The following NDUFAF2 variants were observed in gnomAD, a reference collection of about 807,000 sequenced individuals.
The protein encoded by NDUFAF2 is NADH dehydrogenase [ubiquinone] 1 alpha subcomplex assembly factor 2.
NDUFAF2 carries 13 observed loss-of-function variants against 22.8 expected under a neutral mutation model. That is an observed-to-expected ratio of 0.57 (90% CI 0.37 to 0.91). The LOEUF (loss-of-function observed/expected upper bound fraction) is 0.91. NDUFAF2 is among the 40% of genes least tolerant of loss of function. The probability of loss-of-function intolerance (pLI) is 0.01; values close to 1 mark genes in which losing one functional copy is unlikely to be tolerated. For synonymous variants in NDUFAF2, 53 were observed against 64.2 expected (o/e 0.83, Z 0.84); for missense variants, 162 against 195.2 (o/e 0.83, Z 1.01).
At chr5:61,007,991 T>G (rs1751391751) in intron 1 of NDUFAF2, among the ~76,000 whole-genome samples, 1 of 152,126 alleles carries the variant, frequency 6.6e-6, no homozygotes, top group Non-Finnish European at 1.5e-5. Flanking sequence ...GATGATTTCA[T>G]GTCCTTTGTA....
At chr5:61,130,326 G>A (rs1313903147) in intron 3 of NDUFAF2, among the ~76,000 whole-genome samples, 1 of 152,080 alleles carries the variant, frequency 6.6e-6, no homozygotes, top group African/African-American at 2.4e-5. Flanking sequence ...GGCATCACAA[G>A]ACTCTTCCTA....
chr5:60,952,605 T>C (rs1435494034), intron 1 of NDUFAF2, among the ~76,000 whole-genome samples: 1 of 152,102 alleles, frequency 6.6e-6, no homozygotes, highest in African/African-American at 2.4e-5. Flanking sequence ...GCCTAGAGTA[T>C]GGTGCAATTT....
intron 1 of NDUFAF2, among the ~76,000 whole-genome samples, chr5:60,991,245 C>T (rs966179626): frequency 1.3e-5 from 2 of 151,966 alleles, no homozygotes; most frequent in Admixed American, 6.6e-5. Flanking sequence ...ATTATGTATA[C>T]AGGCATGCAA....
At chr5:61,151,912 A>G (rs1056823278) in intron 3 of NDUFAF2, among the ~76,000 whole-genome samples, 1 of 152,236 alleles carries the variant, frequency 6.6e-6, no homozygotes, top group African/African-American at 2.4e-5. Context: ...TATCTTTTCA[A>G]ATATTAATAT....
intron 1 of NDUFAF2, among the ~76,000 whole-genome samples, chr5:60,954,195 T>C (rs1200268325): frequency 1.3e-5 from 2 of 152,194 alleles, no homozygotes; most frequent in Non-Finnish European, 2.9e-5. Flanking sequence ...GCCAAAGACC[T>C]ATGATGTGGC....
chr5:60,967,181 G>C (rs972053430), intron 1 of NDUFAF2, among the ~76,000 whole-genome samples: 2 of 151,768 alleles, frequency 1.3e-5, no homozygotes, highest in Non-Finnish European at 2.9e-5. Flanking sequence ...CTGATTTTTT[G>C]TGTCTTGATT....
At chr5:61,122,638 G>C (rs1579842009) in intron 3 of NDUFAF2, among the ~76,000 whole-genome samples, 1 of 152,112 alleles carries the variant, frequency 6.6e-6, no homozygotes, top group African/African-American at 2.4e-5. Flanking sequence ...AGCCACCTCT[G>C]TTTTCTCATC....
intron 2 of NDUFAF2, among the ~76,000 whole-genome samples, chr5:61,093,809 AT>A (rs1192847551): frequency 1.3e-5 from 2 of 152,016 alleles, no homozygotes; most frequent in East Asian, 3.9e-4. Flanking sequence ...CTCTTTTTTA[AT>A]TTTTTGGAAT....
intron 1 of NDUFAF2, among the ~76,000 whole-genome samples, chr5:61,020,567 G>GTGTC (rs1283538144): frequency 1.3e-5 from 2 of 151,808 alleles, no homozygotes; most frequent in Admixed American, 1.3e-4. Flanking sequence ...GTGTGTGTGT[G>GTGTC]TGTGTGTACA....
At chr5:61,152,263 G>A (rs181768915) in intron 3 of NDUFAF2, among the ~76,000 whole-genome samples, 18 of 151,662 alleles carry the variant, frequency 1.2e-4, no homozygotes, top group African/African-American at 3.9e-4. Flanking sequence ...AGAGGGTGAC[G>A]TTAGCATTCA....
intron 2 of NDUFAF2, among the ~76,000 whole-genome samples, chr5:61,096,977 A>G (rs1752652268): frequency 6.6e-6 from 1 of 152,246 alleles, no homozygotes; most frequent in Admixed American, 6.5e-5. Flanking sequence ...AAAAGAAAGA[A>G]GGAAACAGAA....
chr5:60,985,882 T>C (rs1202839360), intron 1 of NDUFAF2, among the ~76,000 whole-genome samples: 1 of 152,052 alleles, frequency 6.6e-6, no homozygotes, highest in African/African-American at 2.4e-5. Flanking sequence ...AAGATGAGAT[T>C]TGGGTGGGGA....
chr5:61,077,703 T>C (rs899330483), intron 2 of NDUFAF2, among the ~76,000 whole-genome samples: 8 of 152,160 alleles, frequency 5.3e-5, no homozygotes, highest in African/African-American at 1.9e-4. Context: ...AGGAAGTCCT[T>C]GAGAAGACAA....
chr5:61,039,490 A>G (rs1035144932), intron 1 of NDUFAF2, among the ~76,000 whole-genome samples: 2 of 152,206 alleles, frequency 1.3e-5, no homozygotes, highest in South Asian at 2.1e-4. Flanking sequence ...ATTAAGCCCA[A>G]ATTTCCAACT....
intron 3 of NDUFAF2, among the ~76,000 whole-genome samples, chr5:61,137,895 T>A (rs1740988243): frequency 6.6e-6 from 1 of 152,276 alleles, no homozygotes; most frequent in East Asian, 1.9e-4. Flanking sequence ...TAGGAAGCTC[T>A]GGAGCAAGTA....
intron 3 of NDUFAF2, among the ~76,000 whole-genome samples, chr5:61,111,164 G>A (rs1752835847): frequency 6.6e-6 from 1 of 152,084 alleles, no homozygotes; most frequent in Non-Finnish European, 1.5e-5. Flanking sequence ...ATTCCATTGT[G>A]GTCAGAGAAG....
intron 2 of NDUFAF2, among the ~76,000 whole-genome samples, chr5:61,080,057 G>C (rs1752423062): frequency 6.6e-6 from 1 of 151,950 alleles, no homozygotes; most frequent in South Asian, 2.1e-4. Flanking sequence ...GCAAAAGGCA[G>C]CTTTTTTTTT....
chr5:60,979,209 G>T (rs1256470491), intron 1 of NDUFAF2, among the ~76,000 whole-genome samples: 2 of 152,158 alleles, frequency 1.3e-5, no homozygotes, highest in African/African-American at 2.4e-5. Context: ...AGCTATTCTG[G>T]CTTCAGGTGT....
At chr5:61,015,210 A>G (rs1222447217) in intron 1 of NDUFAF2, among the ~76,000 whole-genome samples, 1 of 152,192 alleles carries the variant, frequency 6.6e-6, no homozygotes, top group Non-Finnish European at 1.5e-5. Context: ...GACTAAAACA[A>G]TATATACTTA....
Sources: allele counts gnomAD v4.1 joint callset (sites outside exome capture counted in the v4.1 genomes callset), GRCh38; gene constraint gnomAD v4.1.1; transcripts MANE v1.5; gene names NCBI Gene and HGNC (gene_info 2026-07-23, HGNC 2026-07-21).